The following FEZ2 variants were observed in gnomAD, a reference collection of about 807,000 sequenced individuals.
FEZ2 encodes fasciculation and elongation protein zeta-2.
Under a neutral mutation model 40.4 loss-of-function variants are expected in FEZ2, and 51 were observed. The ratio of observed to expected loss-of-function variants is 1.26; its 90% CI spans 1.01 to 1.59. The LOEUF (loss-of-function observed/expected upper bound fraction) is 1.59, where lower values mean the gene tolerates loss of function less well. Ranked by LOEUF, FEZ2 falls within the 40% of genes most tolerant of loss-of-function variation. The pLI is 0.00. For synonymous variants in FEZ2, 242 were observed against 172.0 expected, an observed-to-expected ratio of 1.41 and a Z score of -3.18; for missense variants, 640 against 438.3, an observed-to-expected ratio of 1.46 and a Z score of -4.11.
At chr2:36,576,950 A>T (rs1668590748) in intron 5 of FEZ2, among the ~76,000 whole-genome samples, 1 of 152,238 alleles carries the variant, frequency 6.6e-6, no homozygotes, top group South Asian at 2.1e-4. Flanking sequence ...CCCTAAAAGC[A>T]AATAGGCAGA....
chr2:36,597,815 T>C (rs1171681057), intron 1 of FEZ2, 62 bp downstream of exon 1: 20 of 1,135,648 alleles, frequency 1.8e-5, no homozygotes, highest in Non-Finnish European at 2.1e-5. Flanking sequence ...GCCGTAGGGC[T>C]GCCGGTCGGG....
At chr2:36,562,904 T>C (rs1405073932) in intron 5 of FEZ2, among the ~76,000 whole-genome samples, 2 of 152,220 alleles carry the variant, frequency 1.3e-5, no homozygotes, top group African/African-American at 4.8e-5. Flanking sequence ...CCTGGCTCCA[T>C]TATCTATGAG....
intron 5 of FEZ2, chr2:36,558,736 G>C (rs1360416156): frequency 3.3e-5 from 11 of 330,436 alleles, no homozygotes; most frequent in Non-Finnish European, 6.0e-5. Flanking sequence ...AATGTCAACA[G>C]AAACAACCAC....
rs567575887 is a variant in FEZ2, at chr2:36,592,713, G to A, written c.267-1702C>T. On this transcript the variant is annotated intron_variant, in intron 1 of 7. Coordinates refer to ENST00000405912, the MANE Select transcript of FEZ2 (RefSeq NM_005102.3). ...GCCGCAGTCCCAGCTACTTTTGGAG[G>A]GTAAGGCAGGAGGACTGCTTAAGCC... Among the ~76,000 whole-genome samples the A allele has an allele frequency of 4.6e-4, 70 of 152,156 alleles. No homozygotes were observed. In the Middle Eastern group the frequency reaches 0.014, roughly 30 times the overall value.
chr2:36,588,768 T>G (rs1053256720), intron 2 of FEZ2, among the ~76,000 whole-genome samples: 2 of 152,116 alleles, frequency 1.3e-5, no homozygotes, highest in African/African-American at 4.8e-5. Flanking sequence ...TGTTGTTATT[T>G]TATTGTGGGG....
At chr2:36,568,767 G>A (rs1003874153) in intron 5 of FEZ2, among the ~76,000 whole-genome samples, 10 of 152,202 alleles carry the variant, frequency 6.6e-5, no homozygotes, top group Admixed American at 2.6e-4. Flanking sequence ...TTCAACACCA[G>A]TATTTACGCT....
At chr2:36,557,384 T>C (rs1391401872) in intron 6 of FEZ2, 1 of 152,180 alleles carries the variant, frequency 6.6e-6, no homozygotes. Flanking sequence ...TAAAGAATTA[T>C]TCACCAAAGG....
At chr2:36,575,498 G>C (rs1035207754) in intron 5 of FEZ2, among the ~76,000 whole-genome samples, 12 of 151,798 alleles carry the variant, frequency 7.9e-5, no homozygotes, top group Non-Finnish European at 1.8e-4. Flanking sequence ...GTATCTTGAA[G>C]AACACCTGCC....
chr2:36,588,920 A>T (rs928638470), intron 2 of FEZ2, among the ~76,000 whole-genome samples: 1 of 152,124 alleles, frequency 6.6e-6, no homozygotes, highest in Admixed American at 6.5e-5. Flanking sequence ...TGACTTTGAA[A>T]CTATGAATGG....
At chr2:36,576,769 G>A (rs1473797419) in intron 5 of FEZ2, among the ~76,000 whole-genome samples, 1 of 152,180 alleles carries the variant, frequency 6.6e-6, no homozygotes, top group Non-Finnish European at 1.5e-5. Flanking sequence ...CCTAACTGTT[G>A]CCTTGCCAAA....
rs201398630 is a variant in FEZ2, at chr2:36,581,323, G to A, written c.601C>T (p.Leu201Phe). Residue 201 changes from leucine to phenylalanine, a missense_variant, in exon 4 of 8, where the codon CTC (leucine) becomes TTC (phenylalanine). By Grantham distance (22) the Leu-to-Phe change is conservative (BLOSUM62 0). Coordinates refer to ENST00000405912, the MANE Select transcript of FEZ2 (RefSeq NM_005102.3). ...TAACTGCCGGTACTAGACCTCTTGA[G>A]AGTTTGAATTTCCTGGGAAAGCATT... ...LSMLSQEIQT[L>F]KRSSTGSYEE... 2 of 1,613,890 alleles carry A rather than the reference G, an allele frequency of 1.2e-6. No individual in the cohort carries two copies. The highest frequency in any genetic ancestry group is 1.7e-6 in the Non-Finnish European group (2 of 1,179,796).
intron 5 of FEZ2, among the ~76,000 whole-genome samples, chr2:36,574,680 A>G (rs552879530): frequency 6.6e-5 from 10 of 152,220 alleles, no homozygotes; most frequent in African/African-American, 2.4e-4. Context: ...GGACAGAAGC[A>G]GCAGGTAAGG....
intron 5 of FEZ2, among the ~76,000 whole-genome samples, chr2:36,568,014 A>G (rs754336931): frequency 3.3e-5 from 5 of 152,222 alleles, no homozygotes; most frequent in African/African-American, 9.7e-5. Context: ...CAGGTTAAAT[A>G]TACTTTTTAG....
At chr2:36,587,840 G>C (rs1353444694) in intron 2 of FEZ2, among the ~76,000 whole-genome samples, 1 of 152,030 alleles carries the variant, frequency 6.6e-6, no homozygotes, top group Non-Finnish European at 1.5e-5. Context: ...AGAATGACGT[G>C]ATGACTTCTT....
Position 36,563,359 on chromosome 2 carries a change from T to C in FEZ2, c.904-4846A>G, listed in dbSNP as rs1046839826. Among the ~76,000 whole-genome samples, 4 of 152,210 alleles carry C rather than the reference T, an allele frequency of 2.6e-5. No homozygotes were observed. The East Asian group carries it at 7.7e-4, about 29-fold the overall frequency. ...GCAGAACCTCTGTCCTTGCTGCTGA[T>C]GGCTGCTGAGTCAGTGGCTGCAGCT... On this transcript the variant is annotated intron_variant, in intron 5 of 7. Coordinates refer to ENST00000405912, the MANE Select transcript of FEZ2 (RefSeq NM_005102.3).
intron 5 of FEZ2, among the ~76,000 whole-genome samples, chr2:36,571,774 G>A (rs1558448156): frequency 6.6e-6 from 1 of 152,006 alleles, no homozygotes; most frequent in Admixed American, 6.5e-5. Flanking sequence ...GGGAGTCCAG[G>A]GCAGGTGGAT....
At chr2:36,566,805 C>G (rs1461282600) in intron 5 of FEZ2, among the ~76,000 whole-genome samples, 2 of 152,224 alleles carry the variant, frequency 1.3e-5, no homozygotes, top group African/African-American at 2.4e-5. Context: ...CTGCCAAGGC[C>G]TGTTACCTCA....
In FEZ2 at chr2:36,578,764, G is replaced by T; in HGVS notation, c.736C>A (p.Arg246=). Residue 246 remains arginine, a synonymous_variant, in exon 5 of 8, where the codon CGA becomes AGA. Coordinates refer to ENST00000405912, the MANE Select transcript of FEZ2 (RefSeq NM_005102.3). ...SEELVQQLAL[R]DELEFEKEVK... is the part of the protein sequence containing the mutation. ...TCCTTTTCAAACTCCAGTTCATCTC[G>T]TAAAGCCAACTGCTGCACCAGCTCC... 6.2e-7 allele frequency: 1 copy of T among 1,613,746 alleles called. No homozygotes were observed. Among genetic ancestry groups the T allele is most frequent in the Non-Finnish European group, 8.5e-7 (1 of 1,179,810 alleles).
At chr2:36,557,010 A>G (rs1006587662) in intron 6 of FEZ2, 1 of 152,226 alleles carries the variant, frequency 6.6e-6, no homozygotes, top group Non-Finnish European at 1.5e-5. Context: ...AGTTTGACCA[A>G]TGAAGTATTT....
Sources: gnomAD v4.1 joint callset for allele counts (sites outside exome capture counted in the v4.1 genomes callset) on GRCh38, gnomAD v4.1.1 for gene constraint, MANE v1.5 for transcripts, NCBI Gene and HGNC (gene_info 2026-07-23, HGNC 2026-07-21) for gene names.